GRM8: variants seen among roughly 807,000 people sequenced by gnomAD.
GRM8 encodes glutamate metabotropic receptor 8.
A neutral mutation model predicts 87.2 loss-of-function variants in GRM8; 47 were observed. The observed-to-expected ratio is 0.54, with a 90% CI of 0.43 to 0.69. The LOEUF is 0.69. Among genes scored for constraint, GRM8 ranks in the 30% least tolerant of loss-of-function variants. The pLI, the probability that GRM8 is intolerant of heterozygous loss-of-function variation, is 0.00. For missense variants in GRM8, 1,019 were observed against 1,139.2 expected (o/e 0.89, Z 1.52); for synonymous variants, 396 against 404.5 (o/e 0.98, Z 0.25).
At chr7:126,813,802 T>C (rs1339798490) in intron 6 of GRM8, among the ~76,000 whole-genome samples, 1 of 152,134 alleles carries the variant, frequency 6.6e-6, no homozygotes, top group Non-Finnish European at 1.5e-5. Context: ...AGCTCCTTGA[T>C]AATGCATTTC....
chr7:127,119,083 C>G (rs1410346523), intron 2 of GRM8, among the ~76,000 whole-genome samples: 1 of 152,150 alleles, frequency 6.6e-6, no homozygotes, highest in Non-Finnish European at 1.5e-5. Context: ...GCAGGTTGGA[C>G]AGCAATCACA....
At position 126,851,593 on chromosome 7, in the gene GRM8, A is replaced by C. The variant is rs114073952; in HGVS notation, c.1156+50949T>G. Among the ~76,000 whole-genome samples, 256 of 152,128 alleles carry C rather than the reference A, an allele frequency of 1.7e-3. 1 individual carries two copies. Among genetic ancestry groups the C allele is most frequent in the Middle Eastern group, 0.01 (3 of 294 alleles). On this transcript the variant is annotated intron_variant, in intron 6 of 10. Coordinates refer to ENST00000339582, the MANE Select transcript of GRM8 (RefSeq NM_000845.3). ...TTGTTGTCCTTTGAACACCTAGAAA[A>C]TCATCTATTTGCAATGGTCTTCTCT...
intron 2 of GRM8, among the ~76,000 whole-genome samples, chr7:127,197,251 T>C (rs1468617405): frequency 6.6e-6 from 1 of 152,222 alleles, no homozygotes; most frequent in African/African-American, 2.4e-5. Context: ...ACTTTTTAAA[T>C]GCTCATGTAA....
At chr7:126,491,967 A>T (rs1356595406) in intron 9 of GRM8, among the ~76,000 whole-genome samples, 3 of 152,078 alleles carry the variant, frequency 2.0e-5, no homozygotes, top group Non-Finnish European at 2.9e-5. Flanking sequence ...ATAATAAAAA[A>T]GCCATCCCTT....
At chr7:126,634,900 G>T (rs1296378447) in intron 7 of GRM8, among the ~76,000 whole-genome samples, 1 of 152,088 alleles carries the variant, frequency 6.6e-6, no homozygotes, top group Non-Finnish European at 1.5e-5. Flanking sequence ...CTCCATGAGG[G>T]TCATGACTAG....
chr7:127,138,149 G>T (rs1022808124), intron 2 of GRM8, among the ~76,000 whole-genome samples: 1 of 152,138 alleles, frequency 6.6e-6, no homozygotes, highest in Admixed American at 6.5e-5. Flanking sequence ...AGGTTCCACA[G>T]CCCTTAACGG....
intron 8 of GRM8, among the ~76,000 whole-genome samples, chr7:126,559,440 T>A (rs1793472489): frequency 6.6e-6 from 1 of 152,130 alleles, no homozygotes. Flanking sequence ...CTCAAAGTGC[T>A]GGGATTACAG....
At chr7:127,002,645 C>T (rs1195295780) in intron 3 of GRM8, among the ~76,000 whole-genome samples, 1 of 150,732 alleles carries the variant, frequency 6.6e-6, no homozygotes, top group Non-Finnish European at 1.5e-5. Flanking sequence ...TTTGTTACTG[C>T]CATTGCCTCC....
intron 3 of GRM8, among the ~76,000 whole-genome samples, chr7:127,004,415 A>G (rs1036800928): frequency 4.0e-5 from 6 of 151,638 alleles, no homozygotes; most frequent in Non-Finnish European, 5.9e-5. Context: ...CAGATAAAAG[A>G]CACAGAAACA....
At chr7:127,209,890 G>A (rs1285805659) in intron 2 of GRM8, among the ~76,000 whole-genome samples, 1 of 151,552 alleles carries the variant, frequency 6.6e-6, no homozygotes, top group Non-Finnish European at 1.5e-5. Flanking sequence ...CCCTACCCCC[G>A]ACCCCATGGC....
intron 3 of GRM8, among the ~76,000 whole-genome samples, chr7:127,090,176 T>C (rs1362497406): frequency 6.6e-6 from 1 of 152,208 alleles, no homozygotes; most frequent in Non-Finnish European, 1.5e-5. Flanking sequence ...TCTGCTTCCA[T>C]CTTGACCCTG....
At chr7:126,930,141 G>A (rs747576547) in intron 3 of GRM8, among the ~76,000 whole-genome samples, 55 of 152,272 alleles carry the variant, frequency 3.6e-4, no homozygotes, top group Non-Finnish European at 5.0e-4. Context: ...TAGATAGGAA[G>A]GAGACAACAG....
At chr7:127,092,904 A>G (rs1322570635) in intron 3 of GRM8, among the ~76,000 whole-genome samples, 1 of 152,186 alleles carries the variant, frequency 6.6e-6, no homozygotes, top group Non-Finnish European at 1.5e-5. Context: ...GCACCTGGCA[A>G]TGCTCCCAAA....
intron 3 of GRM8, among the ~76,000 whole-genome samples, chr7:126,905,093 G>A (rs1488069066): frequency 1.3e-5 from 2 of 152,164 alleles, no homozygotes; most frequent in Non-Finnish European, 2.9e-5. Flanking sequence ...AAGTCCTTTT[G>A]TTACTTTTAT....
chr7:126,791,547 T>C (rs1157623198), intron 6 of GRM8, among the ~76,000 whole-genome samples: 1 of 152,218 alleles, frequency 6.6e-6, no homozygotes, highest in Non-Finnish European at 1.5e-5. Context: ...AAGGAGGCAT[T>C]CTCTCTTTCC....
At chr7:126,776,688 C>A (rs557501021) in intron 6 of GRM8, among the ~76,000 whole-genome samples, 50 of 152,164 alleles carry the variant, frequency 3.3e-4, no homozygotes, top group African/African-American at 1.2e-3. Context: ...GTAAAACCAA[C>A]GGCCTGAGAA....
At chr7:126,990,923 T>C (rs1812598075) in intron 3 of GRM8, among the ~76,000 whole-genome samples, 1 of 152,172 alleles carries the variant, frequency 6.6e-6, no homozygotes, top group Non-Finnish European at 1.5e-5. Context: ...ATTTAGGGTG[T>C]TAGAGAAGTC....
chr7:126,987,157 A>G (rs1812152796), intron 3 of GRM8, among the ~76,000 whole-genome samples: 1 of 152,184 alleles, frequency 6.6e-6, no homozygotes, highest in Non-Finnish European at 1.5e-5. Context: ...ATTTAATATA[A>G]AGGTGTTATA....
chr7:126,651,151 T>C (rs1244951799), intron 7 of GRM8, among the ~76,000 whole-genome samples: 2 of 152,188 alleles, frequency 1.3e-5, no homozygotes, highest in African/African-American at 4.8e-5. Context: ...CTACCATCCA[T>C]GGACTCACAG....
Sources: allele counts gnomAD v4.1 joint callset (sites outside exome capture counted in the v4.1 genomes callset), GRCh38; gene constraint gnomAD v4.1.1; transcripts MANE v1.5; gene names NCBI Gene and HGNC (gene_info 2026-07-23, HGNC 2026-07-21).